Variants in SPEN observed in about 807,000 individuals in gnomAD.
The protein encoded by SPEN is spen family transcriptional repressor.
SPEN carries 18 observed loss-of-function variants against 269.9 expected under a neutral mutation model. The observed-to-expected ratio is 0.07, with a 90% CI of 0.05 to 0.10. The LOEUF is 0.10. SPEN is among the 10% of genes least tolerant of loss of function. The pLI, the probability that SPEN is intolerant of heterozygous loss-of-function variation, is 1.00. For synonymous variants in SPEN, 1,726 were observed against 1,765.7 expected (o/e 0.98, Z 0.56); for missense variants, 3,822 against 4,631.2 (o/e 0.83, Z 5.07).
At chr1:15,914,330 A>G (rs1026144762) in intron 5 of SPEN, among the ~76,000 whole-genome samples, 3 of 152,202 alleles carry the variant, frequency 2.0e-5, no homozygotes, top group African/African-American at 7.2e-5. Flanking sequence ...GGCTGGCTCT[A>G]AATGCTTCAT....
chr1:15,872,146 G>A (rs1223045812), intron 1 of SPEN, among the ~76,000 whole-genome samples: 6 of 148,360 alleles, frequency 4.0e-5, no homozygotes, highest in Admixed American at 2.8e-4. Flanking sequence ...GCTGAGACAC[G>A]AGAATCACTT....
chr1:15,930,045 T>C lies in SPEN; in HGVS notation c.3805T>C (p.Phe1269Leu). ...TTCTCCCAGTGTCCGACATGGTTCC[T>C]TCCATGAAGATGAGGATCCCATAGG... ...GGSPSVRHGS[F>L]HEDEDPIGSP... The change falls in exon 11 of 15, where the codon TTC becomes CTC. Residue 1269 changes from phenylalanine to leucine, a missense_variant. Physicochemically the swap from Phe to Leu is conservative, Grantham distance 22. Around this residue, in one of 16 missense-constraint regions of SPEN, gnomAD observed 267 missense variants for 315.5 expected, o/e 0.85. Transcript: ENST00000375759. The surrounding 1 kb of genome is among the most constrained non-coding windows in gnomAD (Gnocchi z 5.3). The C allele has an allele frequency of 6.2e-7, 1 of 1,614,200 alleles. No individual in the cohort carries two copies. The highest frequency in any genetic ancestry group is 8.5e-7 in the Non-Finnish European group (1 of 1,180,040).
intron 1 of SPEN, among the ~76,000 whole-genome samples, chr1:15,864,167 CTTTTTT>C (rs71003211): frequency 6.7e-6 from 1 of 148,626 alleles, no homozygotes; most frequent in African/African-American, 2.5e-5. Context: ...ATAGTGGTTG[CTTTTTT>C]TTTTTTTTTT....
At chr1:15,890,198 G>A (rs775567099) in intron 3 of SPEN, among the ~76,000 whole-genome samples, 2 of 152,190 alleles carry the variant, frequency 1.3e-5, no homozygotes, top group South Asian at 2.1e-4. Context: ...TATATGCTAA[G>A]ATGAGGGCAG....
In SPEN at chr1:15,935,052, A is replaced by G; in HGVS notation, c.8812A>G (p.Thr2938Ala). ...GAAGGTTCTCACCCAGGGGATCAAC[A>G]CACCCCCTGTGCTGGTTCACAACCA... is the stretch of plus-strand genomic sequence containing the variant. ...TVKVLTQGINTPPVLVHNQLV... is the reference protein window; with the variant it reads ...TVKVLTQGINAPPVLVHNQLV... The change falls in exon 11 of 15, where the codon ACA (threonine) becomes GCA (alanine). Residue 2938 changes from threonine (T) to alanine (A), a missense_variant. Thr to Ala is a moderately conservative substitution (Grantham distance 58, BLOSUM62 0). Coordinates refer to ENST00000375759, the MANE Select transcript of SPEN (RefSeq NM_015001.3). This position sits in a 1 kb window ranked among gnomAD's most constrained non-coding sequence, Gnocchi z 7.7. 2.5e-6 allele frequency: 4 copies of G among 1,613,896 alleles called. No individual in the cohort carries two copies. The South Asian group carries it at 3.3e-5, about 13-fold the overall frequency.
chr1:15,894,244 A>C (rs2070817108), intron 3 of SPEN, among the ~76,000 whole-genome samples: 1 of 152,134 alleles, frequency 6.6e-6, no homozygotes, highest in African/African-American at 2.4e-5. Context: ...TGACAGTTTA[A>C]ATTTTCTCAT....
intron 2 of SPEN, among the ~76,000 whole-genome samples, chr1:15,874,922 A>AT (rs2070615821): frequency 6.6e-6 from 1 of 152,214 alleles, no homozygotes; most frequent in African/African-American, 2.4e-5. Context: ...GGTGAAAAGA[A>AT]TATTAGTGGA....
At position 15,933,965 on chromosome 1, in the gene SPEN, A is replaced by G; in HGVS notation, c.7725A>G (p.Pro2575=). ...APCLHEAPPP[P]VDSKKPLEEK... ...GCCTACATGAGGCCCCGCCCCCGCC[A>G]GTTGACTCTAAAAAGCCTTTAGAAG... is the stretch of plus-strand genomic sequence containing the variant. Residue 2575 remains proline, a synonymous_variant, in exon 11 of 15, where the codon CCA becomes CCG. Transcript: ENST00000375759. This position sits in a 1 kb window ranked among gnomAD's most constrained non-coding sequence, Gnocchi z 5.7. 1 of 1,613,814 alleles carries G rather than the reference A, an allele frequency of 6.2e-7. No individual in the cohort carries two copies. Among genetic ancestry groups the G allele is most frequent in the Non-Finnish European group, 8.5e-7 (1 of 1,179,926 alleles).
chr1:15,935,337 C>T lies in SPEN; in HGVS notation c.9097C>T (p.Pro3033Ser). Residue 3033 changes from proline (P) to serine (S), a missense_variant, in exon 11 of 15, where the codon CCA becomes TCA. Pro to Ser is a moderately conservative substitution (Grantham distance 74). This residue lies in a region of SPEN where 94 missense variants were observed against 90.4 expected (regional missense o/e 1.04). Transcript: ENST00000375759. This position sits in a 1 kb window ranked among gnomAD's most constrained non-coding sequence, Gnocchi z 7.7. ...AHSPRPSGPGPSSFPRASHPS... is the reference protein window; with the variant it reads ...AHSPRPSGPGSSSFPRASHPS... ...TTCTCCTCGACCAAGTGGACCCGGG[C>T]CATCCTCATTCCCAAGGGCAAGCCA... 1 of 1,614,110 alleles carries T rather than the reference C, an allele frequency of 6.2e-7. No homozygotes were observed. The highest frequency in any genetic ancestry group is 8.5e-7 in the Non-Finnish European group (1 of 1,180,016).
At chr1:15,891,305 G>C (rs1469198189) in intron 3 of SPEN, among the ~76,000 whole-genome samples, 1 of 151,586 alleles carries the variant, frequency 6.6e-6, no homozygotes, top group Non-Finnish European at 1.5e-5. Context: ...CCTCACCTCA[G>C]CCTCCTAAGT....
intron 14 of SPEN, 21 bp downstream of exon 14, chr1:15,938,897 CCTT>C: frequency 6.2e-7 from 1 of 1,609,450 alleles, no homozygotes; most frequent in Non-Finnish European, 8.5e-7. Context: ...CTGTGTCCTT[CCTT>C]CACATGTACA....
intron 3 of SPEN, among the ~76,000 whole-genome samples, chr1:15,878,700 A>G (rs540386380): frequency 6.8e-4 from 104 of 152,294 alleles, no homozygotes; most frequent in Non-Finnish European, 1.1e-3. Flanking sequence ...CCACTGGATC[A>G]AAACTTATTG....
In SPEN at chr1:15,931,351, C is replaced by T. The variant is rs1337579299; in HGVS notation, c.5111C>T (p.Pro1704Leu). 1.9e-5 allele frequency: 31 copies of T among 1,614,112 alleles called. No individual in the cohort carries two copies. Among genetic ancestry groups the T allele is most frequent in the African/African-American group, 4.0e-5 (3 of 74,940 alleles). ...CAGCTGGAACAAGTAGACCTGCCCC[C>T]AGGAGCAGACCCCGATAAAGAAGCT... is the stretch of plus-strand genomic sequence containing the variant. ...VEQLEQVDLP[P>L]GADPDKEAAM... The change falls in exon 11 of 15, where the codon CCA (proline) becomes CTA (leucine). Residue 1704 changes from proline (P) to leucine (L), a missense_variant. Pro to Leu is a moderately conservative substitution (Grantham distance 98, BLOSUM62 -3). Coordinates refer to ENST00000375759, the MANE Select transcript of SPEN (RefSeq NM_015001.3). The surrounding 1 kb of genome is among the most constrained non-coding windows in gnomAD (Gnocchi z 4.8).
chr1:15,883,613 G>T (rs1388897572), intron 3 of SPEN, among the ~76,000 whole-genome samples: 1 of 151,938 alleles, frequency 6.6e-6, no homozygotes, highest in African/African-American at 2.4e-5. Context: ...GATTACATGT[G>T]TGAGCCACTG....
chr1:15,933,108 G>C lies in SPEN; in HGVS notation c.6868G>C (p.Asp2290His). Residue 2290 changes from aspartate to histidine, a missense_variant, in exon 11 of 15, where the codon GAC (aspartate) becomes CAC (histidine). Transcript: ENST00000375759. The surrounding 1 kb of genome is among the most constrained non-coding windows in gnomAD (Gnocchi z 5.7). ...TTCTAGGCCTCCAGTCAATGCTCCT[G>C]ACCCCTCAGCCGGCCCAACAGATAC... ...ESSRPPVNAP[D>H]PSAGPTDTKE... 1.2e-6 allele frequency: 2 copies of C among 1,614,142 alleles called. No individual in the cohort carries two copies. Among genetic ancestry groups the C allele is most frequent in the Non-Finnish European group, 1.7e-6 (2 of 1,180,004 alleles).
chr1:15,852,192 G>GACTCACTGTAGCCTGTATCATTGTT (rs1553173571), intron 1 of SPEN, among the ~76,000 whole-genome samples: 2 of 151,988 alleles, frequency 1.3e-5, no homozygotes, highest in Admixed American at 1.3e-4. Flanking sequence ...AAACAAATTT[G>GACTCACTGTAGCCTGTATCATTGTT]ACTCACTGTA....
intron 10 of SPEN, among the ~76,000 whole-genome samples, chr1:15,926,663 T>C (rs982871797): frequency 6.6e-6 from 1 of 151,714 alleles, no homozygotes; most frequent in African/African-American, 2.4e-5. Context: ...AGACAAAGCC[T>C]GTGCCTTTAT....
chr1:15,897,552 A>C (rs1023585204), intron 3 of SPEN, among the ~76,000 whole-genome samples: 13 of 151,804 alleles, frequency 8.6e-5, no homozygotes, highest in African/African-American at 2.7e-4. Context: ...GTAGAGGCGG[A>C]GTTTCTCCAA....
Position 15,936,190 on chromosome 1 carries a change from C to A in SPEN, c.9950C>A (p.Pro3317Gln). 6.3e-7 allele frequency: 1 copy of A among 1,591,664 alleles called. No homozygotes were observed. The highest frequency in any genetic ancestry group is 8.6e-7 in the Non-Finnish European group (1 of 1,164,678). The stretch of plus-strand genomic sequence containing the variant: ...GGCGACATCCGCACCTACCACCCCC[C>A]GGCCCAGCTCACACACACTCAGTTT... Reference protein sequence around the residue: ...RYGDIRTYHPPAQLTHTQFPA... With the variant: ...RYGDIRTYHPQAQLTHTQFPA... Residue 3317 changes from proline (P) to glutamine (Q), a missense_variant, in exon 11 of 15, where the codon CCG becomes CAG. This residue lies in a region of SPEN where 359 missense variants were observed against 377.3 expected (regional missense o/e 0.95). Transcript: ENST00000375759.
Sources: gnomAD v4.1 joint callset for allele counts (sites outside exome capture counted in the v4.1 genomes callset) on GRCh38, gnomAD v4.1.1 for gene constraint, gnomAD v4.1.1 regional missense constraint, Gnocchi (gnomAD v3.1) non-coding constraint, MANE v1.5 for transcripts, NCBI Gene and HGNC (gene_info 2026-07-23, HGNC 2026-07-21) for gene names.